Variants in RBPMS observed in about 807,000 individuals in gnomAD.
RBPMS encodes the protein RNA binding protein, mRNA processing factor.
A neutral mutation model predicts 26.8 loss-of-function variants in RBPMS; 7 were observed. The ratio of observed to expected loss-of-function variants is 0.26; its 90% CI spans 0.15 to 0.49. The LOEUF (loss-of-function observed/expected upper bound fraction) is 0.49. Ranked by LOEUF, RBPMS falls within the 20% of genes least tolerant of loss-of-function variation. The pLI is 0.98. For synonymous variants in RBPMS, 96 were observed against 93.3 expected, an observed-to-expected ratio of 1.03 and a Z score of -0.17; for missense variants, 186 against 250.0, an observed-to-expected ratio of 0.74 and a Z score of 1.73.
At chr8:30,516,921 CAG>C (rs1491141539) in intron 5 of RBPMS, among the ~76,000 whole-genome samples, 3 of 151,754 alleles carry the variant, frequency 2.0e-5, no homozygotes, top group South Asian at 4.2e-4. Context: ...CACACACACA[CAG>C]ACACACATGA....
intron 5 of RBPMS, among the ~76,000 whole-genome samples, chr8:30,522,286 A>G (rs1333583930): frequency 6.6e-6 from 1 of 151,762 alleles, no homozygotes; most frequent in African/African-American, 2.4e-5. Flanking sequence ...AAAAAAAAAA[A>G]AATCCAGCCT....
chr8:30,547,273 GATTT>G (rs1563436238), intron 6 of RBPMS: 1 of 1,506,306 alleles, frequency 6.6e-7, no homozygotes. Context: ...TTGAGACATG[GATTT>G]TTTTTTTCTT....
At chr8:30,497,103 A>G (rs1038135618) in intron 4 of RBPMS, among the ~76,000 whole-genome samples, 4 of 152,250 alleles carry the variant, frequency 2.6e-5, no homozygotes, top group Admixed American at 2.0e-4. Context: ...ATGGCTATCA[A>G]TTTTAAGAAA....
intron 4 of RBPMS, among the ~76,000 whole-genome samples, chr8:30,503,508 C>A (rs781231531): frequency 2.1e-4 from 32 of 151,874 alleles, no homozygotes; most frequent in Non-Finnish European, 3.4e-4. Context: ...ATCCACTCGC[C>A]TCGGCCTCCC....
chr8:30,561,461 T>G (rs1208269100), intron 7 of RBPMS, among the ~76,000 whole-genome samples: 7 of 152,042 alleles, frequency 4.6e-5, no homozygotes, highest in Admixed American at 4.6e-4. Context: ...GCTGGTAGGG[T>G]GTTCAGCTAG....
intron 1 of RBPMS, among the ~76,000 whole-genome samples, chr8:30,446,622 A>C (rs1419717926): frequency 2.0e-5 from 3 of 152,108 alleles, no homozygotes; most frequent in Admixed American, 2.0e-4. Context: ...AAGCCCGAAA[A>C]GTGGTCTATA....
chr8:30,515,724 C>T (rs1216234958), intron 5 of RBPMS, among the ~76,000 whole-genome samples: 2 of 152,118 alleles, frequency 1.3e-5, no homozygotes, highest in African/African-American at 4.8e-5. Context: ...GATGCCATCA[C>T]AGCTCACTGC....
intron 4 of RBPMS, among the ~76,000 whole-genome samples, chr8:30,494,733 A>G (rs961483057): frequency 1.3e-5 from 2 of 152,182 alleles, no homozygotes; most frequent in Non-Finnish European, 2.9e-5. Context: ...CTAGACACCT[A>G]GTTTTCTCGA....
chr8:30,509,613 G>A (rs1195143558), intron 5 of RBPMS, among the ~76,000 whole-genome samples: 6 of 152,208 alleles, frequency 3.9e-5, no homozygotes, highest in African/African-American at 1.4e-4. Context: ...GAGCCCTGGT[G>A]CCTGCATTTT....
intron 5 of RBPMS, among the ~76,000 whole-genome samples, chr8:30,511,476 A>ATATATATATAT (rs1821602788): frequency 9.8e-4 from 5 of 5,084 alleles, no homozygotes; most frequent in African/African-American, 2.6e-3. Context: ...AAAAAGAAAA[A>ATATATATATAT]AAAAAAAAAA....
chr8:30,497,899 G>C (rs1204408102), intron 4 of RBPMS, among the ~76,000 whole-genome samples: 1 of 151,840 alleles, frequency 6.6e-6, no homozygotes, highest in Non-Finnish European at 1.5e-5. Context: ...TGGGATTACA[G>C]GCATGATCCA....
At chr8:30,394,081 C>T (rs949092609) in intron 1 of RBPMS, among the ~76,000 whole-genome samples, 1 of 24,776 alleles carries the variant, frequency 4.0e-5, no homozygotes, top group African/African-American at 1.8e-4. Context: ...TATTGTTACA[C>T]AAATTTAAAA....
chr8:30,462,504 A>T (rs558582070), intron 1 of RBPMS, among the ~76,000 whole-genome samples: 7 of 151,924 alleles, frequency 4.6e-5, no homozygotes, highest in African/African-American at 1.7e-4. Flanking sequence ...GCTCACTCCA[A>T]CCTCCTCCTC....
chr8:30,516,750 C>T (rs1272307305), intron 5 of RBPMS, among the ~76,000 whole-genome samples: 2 of 151,760 alleles, frequency 1.3e-5, no homozygotes, highest in Non-Finnish European at 2.9e-5. Flanking sequence ...TATATAAAAC[C>T]AGGTATAGTG....
At chr8:30,385,678 C>T (rs951400831) in intron 1 of RBPMS, among the ~76,000 whole-genome samples, 1 of 152,094 alleles carries the variant, frequency 6.6e-6, no homozygotes, top group Non-Finnish European at 1.5e-5. Context: ...AACTCATCAG[C>T]CACATTCTTC....
In RBPMS at chr8:30,455,742, T is replaced by C. The variant is rs561567800; in HGVS notation, c.67-19037T>C. ...AACTCTACTAAAAATACAAAAAAATTAGCCAGGCGTGGTGGTGGGCGCCTG... is the reference window on the plus strand; with the variant it reads ...AACTCTACTAAAAATACAAAAAAATCAGCCAGGCGTGGTGGTGGGCGCCTG... On this transcript the variant is annotated intron_variant, in intron 1 of 8. Transcript: ENST00000397323. 2.6e-5 allele frequency among the ~76,000 whole-genome samples: 4 copies of C among 152,058 alleles called. No individual in the cohort carries two copies. In the South Asian group the frequency reaches 8.3e-4, roughly 32 times the overall value.
chr8:30,452,388 T>C (rs942825730), intron 1 of RBPMS, among the ~76,000 whole-genome samples: 1 of 152,176 alleles, frequency 6.6e-6, no homozygotes, highest in Admixed American at 6.5e-5. Context: ...CTAGACTAGA[T>C]GTCACTGGGC....
chr8:30,542,790 A>G (rs1362899831), intron 5 of RBPMS, among the ~76,000 whole-genome samples: 1 of 152,208 alleles, frequency 6.6e-6, no homozygotes, highest in African/African-American at 2.4e-5. Flanking sequence ...TACTCTGGAA[A>G]TCACATGGTC....
At chr8:30,534,110 G>T (rs1482034310) in intron 5 of RBPMS, among the ~76,000 whole-genome samples, 1 of 149,528 alleles carries the variant, frequency 6.7e-6, no homozygotes, top group African/African-American at 2.5e-5. Flanking sequence ...TCCAGCCCGG[G>T]TGACAGCACG....
Sources: gnomAD v4.1 joint callset for allele counts (sites outside exome capture counted in the v4.1 genomes callset) on GRCh38, gnomAD v4.1.1 for gene constraint, MANE v1.5 for transcripts, NCBI Gene and HGNC (gene_info 2026-07-23, HGNC 2026-07-21) for gene names.